The following ARK2C variants were observed in gnomAD, a reference collection of about 807,000 sequenced individuals.
ARK2C encodes E3 ubiquitin-protein ligase ARK2C.
the ARK2C span, among the ~76,000 whole-genome samples, chr18:46,424,874 T>C: frequency 1.3e-5 from 2 of 152,244 alleles, no homozygotes; most frequent in Admixed American, 6.5e-5. Flanking sequence ...CCTTCCTCAC[T>C]GGCCTCTGTG....
At chr18:46,455,886 A>AG in the ARK2C span, 4 of 735,966 alleles carry the variant, frequency 5.4e-6, no homozygotes, top group Non-Finnish European at 9.4e-6. Context: ...CCTGACTCCC[A>AG]GGGGAAGAGC....
At chr18:46,432,331 T>C in the ARK2C span, among the ~76,000 whole-genome samples, 1 of 152,268 alleles carries the variant, frequency 6.6e-6, no homozygotes, top group Non-Finnish European at 1.5e-5. Context: ...ATGATAATGT[T>C]ATAACACATT....
At chr18:46,433,137 T>C in the ARK2C span, 1 of 1,411,342 alleles carries the variant, frequency 7.1e-7, no homozygotes, top group South Asian at 1.4e-5. Context: ...AGGGTCAGTG[T>C]GGCGGCCGCT....
chr18:46,351,258 C>T, the ARK2C span, among the ~76,000 whole-genome samples: 2 of 152,200 alleles, frequency 1.3e-5, no homozygotes, highest in East Asian at 3.8e-4. Flanking sequence ...AGAGTCACCA[C>T]CTCTGTGAGT....
chr18:46,394,237 C>T, the ARK2C span, among the ~76,000 whole-genome samples: 13 of 152,306 alleles, frequency 8.5e-5, no homozygotes, highest in East Asian at 9.7e-4. Flanking sequence ...CTTGATTTCA[C>T]CATGGCAGAG....
At chr18:46,413,830 C>G in the ARK2C span, among the ~76,000 whole-genome samples, 1 of 152,178 alleles carries the variant, frequency 6.6e-6, no homozygotes, top group African/African-American at 2.4e-5. Context: ...AAACACTCCT[C>G]CCCCTGCCCC....
At chr18:46,363,021 T>A in the ARK2C span, among the ~76,000 whole-genome samples, 4 of 152,176 alleles carry the variant, frequency 2.6e-5, no homozygotes, top group East Asian at 7.7e-4. Context: ...CAGACCAACC[T>A]CTGCTGCTAC....
chr18:46,418,365 A>T, the ARK2C span, among the ~76,000 whole-genome samples: 1 of 152,222 alleles, frequency 6.6e-6, no homozygotes, highest in Admixed American at 6.5e-5. Context: ...TCCAAAAAAA[A>T]GGTGAAAATG....
the ARK2C span, among the ~76,000 whole-genome samples, chr18:46,446,670 C>CAAAA: frequency 1.7e-4 from 6 of 34,380 alleles, no homozygotes; most frequent in South Asian, 1.6e-3. Flanking sequence ...GACTCCATCT[C>CAAAA]AAAAAAAAAA....
the ARK2C span, chr18:46,334,729 AGC>A: frequency 7.3e-5 from 22 of 301,976 alleles, no homozygotes; most frequent in East Asian, 1.0e-4. This position sits in a 1 kb window ranked among gnomAD's most constrained non-coding sequence, Gnocchi z 4.4. Flanking sequence ...AGAGAGAGAG[AGC>A]GCGCGCGCGA....
At chr18:46,442,666 A>G in the ARK2C span, among the ~76,000 whole-genome samples, 1 of 152,174 alleles carries the variant, frequency 6.6e-6, no homozygotes, top group Non-Finnish European at 1.5e-5. Context: ...CTCTTAGATC[A>G]AGTTAGTCGA....
chr18:46,387,107 T>C, the ARK2C span: 1 of 152,348 alleles, frequency 6.6e-6, no homozygotes, highest in South Asian at 2.1e-4. Flanking sequence ...GCAGTGATTT[T>C]TGGTGGTCTC....
chr18:46,447,627 T>C, the ARK2C span: 135 of 1,613,928 alleles, frequency 8.4e-5, no homozygotes, highest in Non-Finnish European at 1.1e-4. Context: ...CCCTCAGCAC[T>C]ATCAGCATTA....
chr18:46,378,253 G>A, the ARK2C span, among the ~76,000 whole-genome samples: 17 of 152,296 alleles, frequency 1.1e-4, no homozygotes, highest in African/African-American at 3.4e-4. Context: ...ATGCCCTTGC[G>A]TGCCCTAGCT....
At chr18:46,400,080 G>T in the ARK2C span, among the ~76,000 whole-genome samples, 3 of 152,194 alleles carry the variant, frequency 2.0e-5, no homozygotes, top group Admixed American at 2.0e-4. Flanking sequence ...GGACCCCCAC[G>T]GTACCTCTTA....
chr18:46,346,046 C>T, the ARK2C span, among the ~76,000 whole-genome samples: 1 of 152,152 alleles, frequency 6.6e-6, no homozygotes, highest in Admixed American at 6.5e-5. Context: ...TTGTAAGTGG[C>T]ACGAGCTATG....
chr18:46,425,215 C>T, the ARK2C span, among the ~76,000 whole-genome samples: 1 of 152,150 alleles, frequency 6.6e-6, no homozygotes, highest in East Asian at 1.9e-4. Context: ...CTCGGGCTTC[C>T]GGGGAACCCC....
At chr18:46,433,253 C>T in the ARK2C span, 2 of 1,609,022 alleles carry the variant, frequency 1.2e-6, no homozygotes, top group Non-Finnish European at 8.5e-7. Flanking sequence ...CACCTGGGCC[C>T]CCCGCAGCCG....
chr18:46,359,430 G>T, the ARK2C span, among the ~76,000 whole-genome samples: 1 of 152,196 alleles, frequency 6.6e-6, no homozygotes, highest in East Asian at 1.9e-4. Context: ...CCTGACCACT[G>T]ATGAGCAGTT....
Sources: gnomAD v4.1 joint callset for allele counts (sites outside exome capture counted in the v4.1 genomes callset) on GRCh38, gnomAD v4.1.1 for gene constraint, Gnocchi (gnomAD v3.1) non-coding constraint, MANE v1.5 for transcripts, NCBI Gene and HGNC (gene_info 2026-07-23, HGNC 2026-07-21) for gene names.